The following LOC400499 variants were observed in gnomAD, a reference collection of about 807,000 sequenced individuals.
At chr16:11,391,683 A>C in the LOC400499 span, 1 of 1,232,162 alleles carries the variant, frequency 8.1e-7, no homozygotes, top group Non-Finnish European at 1.0e-6. Flanking sequence ...CTCCTCCCGC[A>C]GCTGCTCCAG....
At chr16:11,384,217 T>A in the LOC400499 span, 1 of 1,231,764 alleles carries the variant, frequency 8.1e-7, no homozygotes, top group Non-Finnish European at 1.0e-6. Flanking sequence ...CCCGCTCACC[T>A]GCCAGGCCAG....
chr16:11,496,286 C>T, the LOC400499 span, among the ~76,000 whole-genome samples: 2 of 152,090 alleles, frequency 1.3e-5, no homozygotes, highest in Non-Finnish European at 2.9e-5. Flanking sequence ...AGGCTGGTCT[C>T]GAACTCCTGA....
At chr16:11,397,709 G>C in the LOC400499 span, among the ~76,000 whole-genome samples, 1 of 137,186 alleles carries the variant, frequency 7.3e-6, no homozygotes, top group Non-Finnish European at 1.5e-5. Context: ...TATGCTATCT[G>C]TCTCTTTACA....
the LOC400499 span, among the ~76,000 whole-genome samples, chr16:11,526,732 G>A: frequency 5.1e-4 from 78 of 152,234 alleles, no homozygotes; most frequent in African/African-American, 1.8e-3. Flanking sequence ...TTGTTGCTGA[G>A]ACAATGTCTC....
the LOC400499 span, among the ~76,000 whole-genome samples, chr16:11,442,926 G>A: frequency 3.3e-5 from 5 of 152,114 alleles, no homozygotes; most frequent in Non-Finnish European, 5.9e-5. Context: ...GGAGCCACAC[G>A]CAGCCTCGTT....
chr16:11,430,473 A>G, the LOC400499 span, among the ~76,000 whole-genome samples: 5 of 152,284 alleles, frequency 3.3e-5, no homozygotes, highest in South Asian at 8.3e-4. Flanking sequence ...CTGGGGGACA[A>G]GAGCAAAACT....
At chr16:11,521,594 T>C in the LOC400499 span, among the ~76,000 whole-genome samples, 1 of 152,254 alleles carries the variant, frequency 6.6e-6, no homozygotes, top group East Asian at 1.9e-4. Flanking sequence ...AGGCTTGACT[T>C]GGTTTGACTT....
the LOC400499 span, among the ~76,000 whole-genome samples, chr16:11,503,055 G>C: frequency 6.6e-6 from 1 of 151,396 alleles, no homozygotes; most frequent in South Asian, 2.1e-4. Flanking sequence ...CCGTGTAGCT[G>C]GGAATACTGG....
At chr16:11,403,365 C>T in the LOC400499 span, among the ~76,000 whole-genome samples, 1 of 152,236 alleles carries the variant, frequency 6.6e-6, no homozygotes, top group African/African-American at 2.4e-5. Context: ...ACTGTCAACA[C>T]CGTGTGGGGC....
the LOC400499 span, chr16:11,462,558 G>A: frequency 2.4e-6 from 1 of 423,410 alleles, no homozygotes; most frequent in Non-Finnish European, 3.2e-6. Flanking sequence ...GCCTCCCTGG[G>A]ATTACAGTCA....
chr16:11,491,579 C>G, the LOC400499 span: 1 of 385,710 alleles, frequency 2.6e-6, no homozygotes, highest in Admixed American at 4.5e-5. Context: ...GGAACAAGAA[C>G]ACAGCAGAAT....
chr16:11,452,368 A>T, the LOC400499 span, among the ~76,000 whole-genome samples: 4 of 152,176 alleles, frequency 2.6e-5, no homozygotes, highest in Admixed American at 2.6e-4. Flanking sequence ...CAAGACCTGG[A>T]TCAGAACCAG....
the LOC400499 span, chr16:11,450,947 C>T: frequency 1.8e-5 from 15 of 814,936 alleles, no homozygotes; most frequent in Non-Finnish European, 2.7e-5. Context: ...AATAACTAGG[C>T]ATGAGGGAAC....
the LOC400499 span, chr16:11,494,636 C>G: frequency 2.5e-6 from 1 of 399,274 alleles, no homozygotes; most frequent in Non-Finnish European, 4.4e-6. Context: ...TCCCAGGATC[C>G]TCACTAGGGA....
the LOC400499 span, among the ~76,000 whole-genome samples, chr16:11,429,390 G>A: frequency 6.6e-6 from 1 of 152,212 alleles, no homozygotes; most frequent in Non-Finnish European, 1.5e-5. Flanking sequence ...CCAGTCTCCG[G>A]ATGTGAAAGC....
At chr16:11,405,401 G>A in the LOC400499 span, among the ~76,000 whole-genome samples, 2 of 152,170 alleles carry the variant, frequency 1.3e-5, no homozygotes, top group Admixed American at 1.3e-4. Flanking sequence ...GGAGATAGTC[G>A]AGATAGTCAC....
chr16:11,410,022 T>C, the LOC400499 span, among the ~76,000 whole-genome samples: 1 of 152,186 alleles, frequency 6.6e-6, no homozygotes, highest in Non-Finnish European at 1.5e-5. Flanking sequence ...GTACCACCTG[T>C]AGTCCCAGCT....
the LOC400499 span, chr16:11,384,855 G>C: frequency 2.4e-6 from 3 of 1,232,082 alleles, no homozygotes; most frequent in South Asian, 1.2e-4. Flanking sequence ...GTCCGCTGTA[G>C]GTGGGGCCAA....
chr16:11,438,316 G>A, the LOC400499 span, among the ~76,000 whole-genome samples: 4 of 152,178 alleles, frequency 2.6e-5, no homozygotes, highest in Admixed American at 2.0e-4. Flanking sequence ...GTGAAACGGT[G>A]ACCTGTGTCA....
Sources: gnomAD v4.1 joint callset for allele counts (sites outside exome capture counted in the v4.1 genomes callset) on GRCh38, gnomAD v4.1.1 for gene constraint, MANE v1.5 for transcripts.